UNC45B: variants seen among roughly 807,000 people sequenced by gnomAD.
UNC45B encodes the protein protein unc-45 homolog B.
UNC45B carries 78 observed loss-of-function variants against 98.7 expected under a neutral mutation model. The observed-to-expected ratio is 0.79, with a 90% CI of 0.66 to 0.95. The LOEUF is 0.95. Ranked by LOEUF, UNC45B falls within the 40% of genes least tolerant of loss-of-function variation. The pLI is 0.00. For synonymous variants in UNC45B, 462 were observed against 480.4 expected (o/e 0.96, Z 0.50); for missense variants, 1,225 against 1,184.9 (o/e 1.03, Z -0.50).
chr17:35,151,938 CAAAAATT>C (rs761842974), intron 4 of UNC45B, among the ~76,000 whole-genome samples: 104 of 151,906 alleles, frequency 6.8e-4, no homozygotes, highest in Admixed American at 6.4e-3. Context: ...CTGTTCCTAC[CAAAAATT>C]AAAAATAAAT....
intron 8 of UNC45B, among the ~76,000 whole-genome samples, chr17:35,160,484 G>A (rs1161286747): frequency 1.3e-5 from 2 of 152,110 alleles, no homozygotes; most frequent in African/African-American, 4.8e-5. Flanking sequence ...TGCTGCTCAT[G>A]CCAGAGTGCA....
chr17:35,179,434 A>G (rs1394015981), intron 17 of UNC45B, among the ~76,000 whole-genome samples: 2 of 152,256 alleles, frequency 1.3e-5, no homozygotes, highest in African/African-American at 2.4e-5. Context: ...TCATGCTACT[A>G]TAAAGACACA....
intron 14 of UNC45B, among the ~76,000 whole-genome samples, 162 bp downstream of exon 14, chr17:35,174,531 G>A: frequency 6.6e-6 from 1 of 152,126 alleles, no homozygotes; most frequent in East Asian, 1.9e-4. Flanking sequence ...TTTGAAAAGT[G>A]ACATGGGACC....
At chr17:35,154,540 C>G (rs764697047) in intron 5 of UNC45B, 34 bp from the exon 6 acceptor site, 3 of 1,598,958 alleles carry the variant, frequency 1.9e-6, no homozygotes, top group African/African-American at 2.7e-5. Context: ...GGCCGTACCT[C>G]CCTCGTAACC....
chr17:35,179,902 T>TA (rs35601792), intron 17 of UNC45B, among the ~76,000 whole-genome samples: 36 of 149,794 alleles, frequency 2.4e-4, no homozygotes, highest in South Asian at 1.0e-3. Flanking sequence ...CTTAAAGTAT[T>TA]AAAAAAAAAA....
chr17:35,158,406 C>A (rs2092078748), intron 7 of UNC45B, among the ~76,000 whole-genome samples: 2 of 152,096 alleles, frequency 1.3e-5, no homozygotes, highest in South Asian at 2.1e-4. Context: ...ATGGACAAGC[C>A]CCAATGTGCA....
At chr17:35,181,507 A>G (rs2092273466) in intron 18 of UNC45B, among the ~76,000 whole-genome samples, 2 of 152,178 alleles carry the variant, frequency 1.3e-5, no homozygotes, top group South Asian at 4.1e-4. Flanking sequence ...AAGCCGATTA[A>G]AGGCCAGGTA....
rs2091989548 is a variant in UNC45B, at chr17:35,148,328, A to T, written c.65A>T (p.Tyr22Phe). The T allele has an allele frequency of 6.2e-7, 1 of 1,614,052 alleles. No homozygotes were observed. The highest frequency in any genetic ancestry group is 1.7e-5 in the Admixed American group (1 of 60,006). ...EGNRHFQLQD[Y>F]KAATNSYSQA... ...AACCGGCATTTCCAGCTCCAGGACT[A>T]CAAGGCCGCCACAAATAGCTACAGC... Residue 22 changes from tyrosine to phenylalanine, a missense_variant, in exon 2 of 20, where the codon TAC becomes TTC. Tyr to Phe is a conservative substitution (Grantham distance 22). Coordinates refer to ENST00000394570, the MANE Select transcript of UNC45B (RefSeq NM_001267052.2).
intron 7 of UNC45B, among the ~76,000 whole-genome samples, chr17:35,157,541 G>A (rs1254315903): frequency 6.6e-6 from 1 of 152,104 alleles, no homozygotes; most frequent in African/African-American, 2.4e-5. Flanking sequence ...TCCTAGAAAA[G>A]GAGCACTGGG....
Position 35,186,293 on chromosome 17 carries a change from C to T in UNC45B, c.2530-6C>T. 6.2e-7 allele frequency: 1 copy of T among 1,613,112 alleles called. No individual in the cohort carries two copies. The highest frequency in any genetic ancestry group is 8.5e-7 in the Non-Finnish European group (1 of 1,179,738). ...GCACCTTCCTTACCTTTTTCCCTGC[C>T]TCCAGACAACCCAGTGGTTGGAGAT... is the stretch of plus-strand genomic sequence containing the variant. On this transcript the variant is annotated splice_region_variant and splice_polypyrimidine_tract_variant and intron_variant, in intron 19 of 19. Transcript: ENST00000394570.
In UNC45B at chr17:35,153,287, C is replaced by T. The variant is rs146046156; in HGVS notation, c.471+305C>T. ...TAAAAATATAGCATTGATTATTATT[C>T]GATTATTGAGTTCTTTGGTGCCCCT... On this transcript the variant is annotated intron_variant, in intron 5 of 19. Coordinates refer to ENST00000394570, the MANE Select transcript of UNC45B (RefSeq NM_001267052.2). Among the ~76,000 whole-genome samples, 65 of 152,136 alleles carry T rather than the reference C, an allele frequency of 4.3e-4. No homozygotes were observed. In the East Asian group the frequency reaches 0.012, roughly 28 times the overall value.
chr17:35,148,319 TC>T lies in UNC45B; in HGVS notation c.58del (p.Gln20ArgfsTer14), dbSNP rs775853481. Reference sequence around the variant, plus strand: ...GAGGAAGGAAACCGGCATTTCCAGCTCCAGGACTACAAGGCCGCCACAAATA... The same window carrying T: ...GAGGAAGGAAACCGGCATTTCCAGCTCAGGACTACAAGGCCGCCACAAATA... The part of the protein sequence containing the change: ...LKEEGNRHFQ[L>X]QDYKAATNSY... On this transcript the variant is annotated frameshift_variant, in exon 2 of 20. Transcript: ENST00000394570. LOFTEE classifies it high-confidence loss of function. The T allele has an allele frequency of 2.4e-5, 38 of 1,613,992 alleles. No individual in the cohort carries two copies. Among genetic ancestry groups the T allele is most frequent in the Non-Finnish European group, 3.2e-5 (38 of 1,179,994 alleles).
At chr17:35,153,473 C>G (rs886899653) in intron 5 of UNC45B, among the ~76,000 whole-genome samples, 18 of 145,176 alleles carry the variant, frequency 1.2e-4, no homozygotes, top group Middle Eastern at 3.6e-3. Context: ...TCCTCTTAAC[C>G]AAACTTGTTA....
intron 13 of UNC45B, among the ~76,000 whole-genome samples, chr17:35,173,357 C>T (rs1257277846): frequency 6.6e-6 from 1 of 152,224 alleles, no homozygotes; most frequent in South Asian, 2.1e-4. Flanking sequence ...AACTCCTGGG[C>T]TCAAGTGGTC....
intron 17 of UNC45B, among the ~76,000 whole-genome samples, chr17:35,178,678 C>T (rs1168245404): frequency 6.6e-6 from 1 of 152,134 alleles, no homozygotes; most frequent in Non-Finnish European, 1.5e-5. Context: ...TTAGATCTTA[C>T]ATTTAAGTCT....
intron 8 of UNC45B, among the ~76,000 whole-genome samples, chr17:35,163,415 A>G (rs998054987): frequency 2.0e-5 from 3 of 152,198 alleles, no homozygotes; most frequent in Admixed American, 1.3e-4. Flanking sequence ...CCCAACGGTA[A>G]TAGGAAGCCA....
intron 19 of UNC45B, among the ~76,000 whole-genome samples, chr17:35,184,218 G>A (rs899243990): frequency 8.5e-5 from 13 of 152,146 alleles, no homozygotes; most frequent in African/African-American, 3.1e-4. Context: ...GTGTATCAGC[G>A]GGTGTGTTCT....
chr17:35,179,682 G>A (rs749905634), intron 17 of UNC45B, among the ~76,000 whole-genome samples: 5 of 151,888 alleles, frequency 3.3e-5, no homozygotes, highest in African/African-American at 9.7e-5. Flanking sequence ...GTTCTCACTC[G>A]TAGGTGGGAG....
intron 8 of UNC45B, 150 bp from the exon 9 acceptor site, chr17:35,163,845 C>A: frequency 1.1e-6 from 1 of 900,036 alleles, no homozygotes; most frequent in Non-Finnish European, 1.6e-6. Flanking sequence ...GTCCTTTGAC[C>A]CCATTCTAGG....
Sources: gnomAD v4.1 joint callset for allele counts (sites outside exome capture counted in the v4.1 genomes callset) on GRCh38, gnomAD v4.1.1 for gene constraint, MANE v1.5 for transcripts, NCBI Gene and HGNC (gene_info 2026-07-23, HGNC 2026-07-21) for gene names.